The following ERBB4 variants were observed in gnomAD, a reference collection of about 807,000 sequenced individuals.
ERBB4 encodes the protein erb-b2 receptor tyrosine kinase 4.
ERBB4 carries 42 observed loss-of-function variants against 158.0 expected under a neutral mutation model. The ratio of observed to expected loss-of-function variants is 0.27; its 90% CI spans 0.21 to 0.34. ERBB4 has a LOEUF of 0.34. ERBB4 is among the 10% of genes least tolerant of loss of function. The probability of loss-of-function intolerance (pLI) is 1.00; values close to 1 mark genes in which losing one functional copy is unlikely to be tolerated. For synonymous variants in ERBB4, 583 were observed against 558.7 expected, an observed-to-expected ratio of 1.04 and a Z score of -0.61; for missense variants, 1,333 against 1,624.1, an observed-to-expected ratio of 0.82 and a Z score of 3.08.
rs557579307 is a variant in ERBB4 at position 211,527,874 on chromosome 2, A to C, written c.2487+34029T>G. Among the ~76,000 whole-genome samples, 7 of 152,190 alleles carry C rather than the reference A, an allele frequency of 4.6e-5. No individual in the cohort carries two copies. In the South Asian group the frequency reaches 1.4e-3, roughly 31 times the overall value. ...AAAATGCAATGGATACACAAAAAAT[A>C]AAAAGCAAGAAACTAAGTCCTCTAA... is the stretch of plus-strand genomic sequence containing the variant. On this transcript the variant is annotated intron_variant, in intron 20 of 27. Coordinates refer to ENST00000342788, the MANE Select transcript of ERBB4 (RefSeq NM_005235.3).
intron 2 of ERBB4, among the ~76,000 whole-genome samples, chr2:212,037,545 A>T (rs2077043383): frequency 6.6e-6 from 1 of 152,246 alleles, no homozygotes. Flanking sequence ...CAAGATTTGT[A>T]CGTTCCTTAT....
At position 211,630,466 on chromosome 2, in the gene ERBB4, G is replaced by C. The variant is rs778706748; in HGVS notation, c.2075C>G (p.Thr692Arg). ...KKRALRRFLE[T>R]ELVEPLTPSG... Reference sequence around the variant, plus strand: ...GAGGAGAAAGAAATACCTCACCTCTGTTTCCAAGAATCTTCTCAAGGCTCT... The same window carrying C: ...GAGGAGAAAGAAATACCTCACCTCTCTTTCCAAGAATCTTCTCAAGGCTCT... Residue 692 changes from threonine to arginine, a missense_variant, in exon 17 of 28, where the codon ACA becomes AGA. By Grantham distance (71) the Thr-to-Arg change is moderately conservative. Transcript: ENST00000342788. The C allele has an allele frequency of 6.2e-7, 1 of 1,613,406 alleles. No homozygotes were observed. Among genetic ancestry groups the C allele is most frequent in the Non-Finnish European group, 8.5e-7 (1 of 1,179,464 alleles).
At chr2:212,473,432 A>C (rs1430996589) in intron 1 of ERBB4, among the ~76,000 whole-genome samples, 1 of 152,122 alleles carries the variant, frequency 6.6e-6, no homozygotes. Context: ...AATTTGTTTT[A>C]CATCATAAGA....
intron 20 of ERBB4, among the ~76,000 whole-genome samples, chr2:211,469,518 A>G (rs2064779808): frequency 6.6e-6 from 1 of 152,156 alleles, no homozygotes. Flanking sequence ...TAGTCCATTA[A>G]ATATATATGT....
At chr2:212,121,405 G>T (rs2079743851) in intron 2 of ERBB4, among the ~76,000 whole-genome samples, 2 of 152,076 alleles carry the variant, frequency 1.3e-5, no homozygotes, top group African/African-American at 4.8e-5. Context: ...TCGAGACGAG[G>T]TTTCACTATG....
intron 5 of ERBB4, among the ~76,000 whole-genome samples, chr2:211,745,099 T>C (rs2074924103): frequency 6.6e-6 from 1 of 151,420 alleles, no homozygotes; most frequent in East Asian, 1.9e-4. Context: ...CAGATATAAG[T>C]ATATCTTTAG....
intron 4 of ERBB4, among the ~76,000 whole-genome samples, chr2:211,764,756 C>G (rs190342205): frequency 6.6e-6 from 1 of 151,566 alleles, no homozygotes; most frequent in East Asian, 2.0e-4. Flanking sequence ...GAGGGAAGAG[C>G]ACCCAAAATA....
chr2:212,236,044 C>T (rs564280735), intron 1 of ERBB4, among the ~76,000 whole-genome samples: 42 of 152,208 alleles, frequency 2.8e-4, no homozygotes, highest in Admixed American at 2.0e-3. Flanking sequence ...TGTCTTTTGC[C>T]GGTTTTCAAA....
intron 1 of ERBB4, among the ~76,000 whole-genome samples, chr2:212,448,470 T>C (rs1279226423): frequency 1.3e-5 from 2 of 152,218 alleles, no homozygotes; most frequent in African/African-American, 4.8e-5. Context: ...TAAACTGTAT[T>C]CAGCCATGTG....
intron 1 of ERBB4, among the ~76,000 whole-genome samples, chr2:212,133,659 AG>A (rs1028551542): frequency 6.6e-6 from 1 of 151,048 alleles, no homozygotes; most frequent in African/African-American, 2.4e-5. Flanking sequence ...AAAAAAAAAA[AG>A]GTAAAGAATA....
chr2:211,892,772 A>T (rs950495812), intron 3 of ERBB4, among the ~76,000 whole-genome samples: 15 of 144,256 alleles, frequency 1.0e-4, no homozygotes, highest in African/African-American at 3.8e-4. Context: ...AACAACAGAC[A>T]AACAGAGAGC....
chr2:212,473,247 G>T (rs909570202), intron 1 of ERBB4, among the ~76,000 whole-genome samples: 8 of 152,050 alleles, frequency 5.3e-5, no homozygotes, highest in Non-Finnish European at 8.8e-5. Context: ...TCGGGGGTGT[G>T]AATTATTCTT....
chr2:212,400,456 A>G (rs2091167880), intron 1 of ERBB4, among the ~76,000 whole-genome samples: 1 of 152,144 alleles, frequency 6.6e-6, no homozygotes, highest in African/African-American at 2.4e-5. Context: ...CCATATCTTT[A>G]TTTTTATAGA....
chr2:212,470,540 TAAG>T (rs1440657435), intron 1 of ERBB4, among the ~76,000 whole-genome samples: 4 of 152,122 alleles, frequency 2.6e-5, no homozygotes, highest in African/African-American at 9.6e-5. Context: ...ATGGCAAAGT[TAAG>T]AAGATATGAG....
At chr2:212,434,469 A>G (rs913638716) in intron 1 of ERBB4, among the ~76,000 whole-genome samples, 2 of 151,770 alleles carry the variant, frequency 1.3e-5, no homozygotes, top group African/African-American at 4.8e-5. Context: ...TAAGTAACAC[A>G]TATTTTTCTC....
chr2:212,166,242 T>C (rs2081343419), intron 1 of ERBB4, among the ~76,000 whole-genome samples: 1 of 152,100 alleles, frequency 6.6e-6, no homozygotes, highest in Admixed American at 6.6e-5. Flanking sequence ...AGCTTTATTA[T>C]TAGGGATCTT....
At chr2:212,053,430 C>G (rs1379353756) in intron 2 of ERBB4, among the ~76,000 whole-genome samples, 1 of 152,132 alleles carries the variant, frequency 6.6e-6, no homozygotes, top group Non-Finnish European at 1.5e-5. Flanking sequence ...TCCTCCTCTG[C>G]CACCTCATAG....
intron 1 of ERBB4, among the ~76,000 whole-genome samples, chr2:212,194,039 G>C (rs1332060455): frequency 6.6e-6 from 1 of 151,952 alleles, no homozygotes; most frequent in African/African-American, 2.4e-5. Flanking sequence ...GGACTTTAAA[G>C]GTGCATTAAA....
In ERBB4 at chr2:211,376,943, G is replaced by A. The variant is rs868721656; in HGVS notation, c.*6672C>T. The A allele has an allele frequency of 8.6e-6, 2 of 233,114 alleles. No homozygotes were observed. Among genetic ancestry groups the A allele is most frequent in the Non-Finnish European group, 1.7e-5 (2 of 117,710 alleles). 14.4% of individuals were successfully genotyped at this position (233,114 alleles called of 1,614,324 possible). On this transcript the variant is annotated 3_prime_UTR_variant, in exon 28 of 28. Coordinates refer to ENST00000342788, the MANE Select transcript of ERBB4 (RefSeq NM_005235.3). ...TTAGCTGCCCTCACACAGCTGCTCC[G>A]TTTAATAATCGACCCATTTAACAGC...
Sources: allele counts gnomAD v4.1 joint callset (sites outside exome capture counted in the v4.1 genomes callset), GRCh38; gene constraint gnomAD v4.1.1; transcripts MANE v1.5; gene names NCBI Gene and HGNC (gene_info 2026-07-23, HGNC 2026-07-21).